TNFSF13B: variants seen among roughly 807,000 people sequenced by gnomAD.
TNFSF13B encodes the protein tumor necrosis factor ligand superfamily member 13B.
A neutral mutation model predicts 29.1 loss-of-function variants in TNFSF13B; 8 were observed. That is an observed-to-expected ratio of 0.27 (90% CI 0.16 to 0.50). The LOEUF (loss-of-function observed/expected upper bound fraction) is 0.50, where lower values mean the gene tolerates loss of function less well. Ranked by LOEUF, TNFSF13B falls within the 20% of genes least tolerant of loss-of-function variation. The pLI, the probability that TNFSF13B is intolerant of heterozygous loss-of-function variation, is 0.98. For missense variants in TNFSF13B, 248 were observed against 334.9 expected (o/e 0.74, Z 2.03); for synonymous variants, 125 against 130.8 (o/e 0.96, Z 0.30).
chr13:108,294,190 T>TA (rs1196597459), intron 3 of TNFSF13B, among the ~76,000 whole-genome samples: 1 of 151,924 alleles, frequency 6.6e-6, no homozygotes, highest in Non-Finnish European at 1.5e-5. Context: ...TGGATTTTTT[T>TA]TTTTTTTGAG....
intron 3 of TNFSF13B, among the ~76,000 whole-genome samples, chr13:108,289,295 T>G (rs1385732967): frequency 5.3e-5 from 8 of 152,028 alleles, no homozygotes. Context: ...GGTGCTGAAC[T>G]GGGGTGATTA....
At chr13:108,304,597 A>C (rs915824218) in intron 5 of TNFSF13B, among the ~76,000 whole-genome samples, 21 of 152,042 alleles carry the variant, frequency 1.4e-4, no homozygotes, top group African/African-American at 4.8e-4. Context: ...AAACACATTT[A>C]TTTTCTCTGT....
chr13:108,297,726 A>C (rs1191959036), intron 3 of TNFSF13B, among the ~76,000 whole-genome samples: 1 of 145,858 alleles, frequency 6.9e-6, no homozygotes, highest in Admixed American at 6.8e-5. Context: ...TAGACCTCAT[A>C]TTCCCTACGG....
chr13:108,306,666 G>T (rs557507326), intron 5 of TNFSF13B, among the ~76,000 whole-genome samples, 160 bp from the exon 6 acceptor site: 30 of 151,450 alleles, frequency 2.0e-4, no homozygotes, highest in African/African-American at 7.0e-4. Flanking sequence ...TTTTTTTTAG[G>T]CTAAGATAAT....
Position 108,299,190 on chromosome 13 carries a change from T to G in TNFSF13B, c.482-4063T>G, listed in dbSNP as rs1022439105. On this transcript the variant is annotated intron_variant, in intron 3 of 5. Coordinates refer to ENST00000375887, the MANE Select transcript of TNFSF13B (RefSeq NM_006573.5). ...TCTCAATGCCATTATGTTTTTAATT[T>G]CAAATTCCACTTGTTTATTACTGGT... is the stretch of plus-strand genomic sequence containing the variant. Among the ~76,000 whole-genome samples the G allele has an allele frequency of 2.7e-5, 4 of 146,188 alleles. 1 individual carries two copies. The highest frequency in any genetic ancestry group is 6.1e-5 in the Non-Finnish European group (4 of 65,744).
intron 3 of TNFSF13B, among the ~76,000 whole-genome samples, chr13:108,290,567 A>G (rs1344199885): frequency 3.3e-5 from 5 of 151,220 alleles, no homozygotes; most frequent in African/African-American, 1.2e-4. Flanking sequence ...CATTCTTCCA[A>G]TTTTTCATGT....
intron 3 of TNFSF13B, among the ~76,000 whole-genome samples, chr13:108,294,237 T>C (rs1404448994): frequency 1.3e-5 from 2 of 151,514 alleles, no homozygotes; most frequent in Non-Finnish European, 2.9e-5. Flanking sequence ...TGGAGTGTAA[T>C]GGCATGATCT....
At chr13:108,287,367 C>T (rs979659515) in intron 3 of TNFSF13B, among the ~76,000 whole-genome samples, 1 of 152,074 alleles carries the variant, frequency 6.6e-6, no homozygotes, top group Non-Finnish European at 1.5e-5. Context: ...ATTTGAATTG[C>T]ATGTAAAATC....
intron 2 of TNFSF13B, among the ~76,000 whole-genome samples, chr13:108,270,777 T>TA (rs925969842): frequency 7.9e-5 from 12 of 151,560 alleles, no homozygotes; most frequent in Admixed American, 5.3e-4. Context: ...TCCAGAAAAA[T>TA]AAAAAAAAGC....
At chr13:108,302,725 A>C (rs923217431) in intron 3 of TNFSF13B, 2 of 692,040 alleles carry the variant, frequency 2.9e-6, no homozygotes, top group Non-Finnish European at 3.6e-6. Flanking sequence ...AAGTTCCTTG[A>C]CCGTTCTTAG....
chr13:108,280,351 C>A (rs1238640049), intron 2 of TNFSF13B, among the ~76,000 whole-genome samples: 1 of 152,108 alleles, frequency 6.6e-6, no homozygotes, highest in Non-Finnish European at 1.5e-5. Flanking sequence ...ATATTTGAGA[C>A]ATGTTGAATC....
At chr13:108,294,110 G>A (rs1174497744) in intron 3 of TNFSF13B, among the ~76,000 whole-genome samples, 2 of 151,360 alleles carry the variant, frequency 1.3e-5, no homozygotes, top group South Asian at 2.1e-4. Context: ...AGATTTTTGA[G>A]TGTTGATCTT....
rs945773547 is a variant in TNFSF13B at position 108,302,854 on chromosome 13, T to C, written c.482-399T>C. 15 of 988,014 alleles carry C rather than the reference T, an allele frequency of 1.5e-5. No individual in the cohort carries two copies. The African/African-American group carries it at 2.1e-4, about 14-fold the overall frequency. The allele number at this position is 988,014 out of a possible 1,614,324, so 61.2% of individuals were successfully genotyped here. A position where few individuals can be genotyped will look rare whatever the true frequency, so the allele number is the denominator to read the frequency against. On this transcript the variant is annotated intron_variant, in intron 3 of 5. Coordinates refer to ENST00000375887, the MANE Select transcript of TNFSF13B (RefSeq NM_006573.5). Reference sequence around the variant, plus strand: ...GAAACATTTTGCCAAACTCTTCAGATACTCTTTCCTCTCTGGGAATCAAAG... The same window carrying C: ...GAAACATTTTGCCAAACTCTTCAGACACTCTTTCCTCTCTGGGAATCAAAG...
At chr13:108,305,771 A>G (rs768662060) in intron 5 of TNFSF13B, among the ~76,000 whole-genome samples, 1 of 152,124 alleles carries the variant, frequency 6.6e-6, no homozygotes, top group Admixed American at 6.5e-5. Context: ...CTTGATCACT[A>G]CTGTGTGTTT....
At chr13:108,302,461 A>G (rs1313923660) in intron 3 of TNFSF13B, among the ~76,000 whole-genome samples, 2 of 152,152 alleles carry the variant, frequency 1.3e-5, no homozygotes, top group Non-Finnish European at 2.9e-5. Context: ...ATGAATTCAC[A>G]GGAAAGGAAT....
At chr13:108,306,532 A>C (rs1017567979) in intron 5 of TNFSF13B, among the ~76,000 whole-genome samples, 2 of 152,016 alleles carry the variant, frequency 1.3e-5, no homozygotes, top group Non-Finnish European at 2.9e-5. Flanking sequence ...GGGATGTTCC[A>C]TGATTTACCT....
intron 3 of TNFSF13B, chr13:108,302,799 G>A: frequency 1.0e-6 from 1 of 985,880 alleles, no homozygotes; most frequent in Non-Finnish European, 1.2e-6. Context: ...GCCACATTTG[G>A]GCCAAGGAAT....
intron 2 of TNFSF13B, among the ~76,000 whole-genome samples, chr13:108,276,590 C>CA (rs139305224): frequency 0.17 from 25,097 of 151,762 alleles, 2,269 homozygotes; most frequent in Middle Eastern, 0.21. Flanking sequence ...AATTAAAATA[C>CA]AAAAAAATGG....
chr13:108,283,327 C>G (rs1881015056), intron 2 of TNFSF13B, among the ~76,000 whole-genome samples: 1 of 152,240 alleles, frequency 6.6e-6, no homozygotes, highest in Admixed American at 6.5e-5. Flanking sequence ...GTGCAAACAT[C>G]AGAGCATACT....
Sources: allele counts gnomAD v4.1 joint callset (sites outside exome capture counted in the v4.1 genomes callset), GRCh38; gene constraint gnomAD v4.1.1; transcripts MANE v1.5; gene names NCBI Gene and HGNC (gene_info 2026-07-23, HGNC 2026-07-21).